The following MMP10 variants were observed in gnomAD, a reference collection of about 807,000 sequenced individuals.
The protein encoded by MMP10 is matrix metallopeptidase 10.
Under a neutral mutation model 49.1 loss-of-function variants are expected in MMP10, and 50 were observed. The ratio of observed to expected loss-of-function variants is 1.02; its 90% CI spans 0.81 to 1.29. MMP10 has a LOEUF of 1.29. Among genes scored for constraint, MMP10 ranks in the 50% most tolerant of loss-of-function variants. The probability of loss-of-function intolerance (pLI) is 0.00; values close to 1 mark genes in which losing one functional copy is unlikely to be tolerated. For missense variants in MMP10, 613 were observed against 563.8 expected (o/e 1.09, Z -0.88); for synonymous variants, 229 against 201.6 (o/e 1.14, Z -1.15).
chr11:102,779,312 T>A lies in MMP10; in HGVS notation c.397A>T (p.Ile133Phe). 3 of 1,614,154 alleles carry A rather than the reference T, an allele frequency of 1.9e-6. No individual in the cohort carries two copies. Among genetic ancestry groups the A allele is most frequent in the Non-Finnish European group, 2.5e-6 (3 of 1,180,002 alleles). ...TCCCAGACTTTCAGAGCTTTCTCAATGGCAGAATCAACAGCATCTCTTGGC... is the reference window on the plus strand; with the variant it reads ...TCCCAGACTTTCAGAGCTTTCTCAAAGGCAGAATCAACAGCATCTCTTGGC... The part of the protein sequence containing the change: ...DLPRDAVDSA[I>F]EKALKVWEEV... Residue 133 changes from isoleucine (I) to phenylalanine (F), a missense_variant, in exon 3 of 10, where the codon ATT becomes TTT. Physicochemically the swap from Ile to Phe is conservative, Grantham distance 21. Coordinates refer to ENST00000279441, the MANE Select transcript of MMP10 (RefSeq NM_002425.3).
Position 102,776,312 on chromosome 11 carries a change from A to G in MMP10, c.900T>C (p.Thr300=), listed in dbSNP as rs1857732043. ...DPALSFDAIS[T]LRGEYLFFKD... ...TAAAGAACAGATATTCTCCCCTCAG[A>G]GTGCTGATGGCATCGAAGGACAAAG... Residue 300 remains threonine, a synonymous_variant, in exon 6 of 10, where the codon ACT becomes ACC. Transcript: ENST00000279441. 6.2e-7 allele frequency: 1 copy of G among 1,613,808 alleles called. No homozygotes were observed. The highest frequency in any genetic ancestry group is 8.5e-7 in the Non-Finnish European group (1 of 1,179,826).
Position 102,779,693 on chromosome 11 carries a change from C to G in MMP10, c.158G>C (p.Arg53Thr), listed in dbSNP as rs486055. 4 of 1,613,860 alleles carry G rather than the reference C, an allele frequency of 2.5e-6. No individual in the cohort carries two copies. In the Admixed American group the frequency reaches 6.7e-5, roughly 27 times the overall value. ...NLEKDVKQFR[R>T]KDSNLIVKKI... ...TTTAACAATGAGATTACTGTCCTTTCTTCTAAACTGTTTCACATCCTTTTC... is the reference window on the plus strand; with the variant it reads ...TTTAACAATGAGATTACTGTCCTTTGTTCTAAACTGTTTCACATCCTTTTC... The change falls in exon 2 of 10, where the codon AGA (arginine) becomes ACA (threonine). Residue 53 changes from arginine (R) to threonine (T), a missense_variant. Coordinates refer to ENST00000279441, the MANE Select transcript of MMP10 (RefSeq NM_002425.3).
In MMP10 at chr11:102,779,499, A is replaced by G. The variant is rs376923297; in HGVS notation, c.347+5T>C. ...TATTATGTGAAAACTAATCTGAACC[A>G]TTACCTGTATGTAAGGTGGGTTTTC... On this transcript the variant is annotated splice_donor_5th_base_variant and intron_variant, in intron 2 of 9. Transcript: ENST00000279441. 6.2e-7 allele frequency: 1 copy of G among 1,613,900 alleles called. No individual in the cohort carries two copies. Among genetic ancestry groups the G allele is most frequent in the African/African-American group, 1.3e-5 (1 of 74,930 alleles).
At position 102,779,108 on chromosome 11, in the gene MMP10, G is replaced by C. The variant is rs1447411247; in HGVS notation, c.496+105C>G. ...TGGACTTCCCAGCCTCCAGAATTGT[G>C]AGCAATAAATTTCTGTTGTTTATAA... On this transcript the variant is annotated intron_variant, in intron 3 of 9. Transcript: ENST00000279441. 4.0e-6 allele frequency: 6 copies of C among 1,489,288 alleles called. No individual in the cohort carries two copies. The Admixed American group carries it at 8.8e-5, about 22-fold the overall frequency. 92.3% of individuals were successfully genotyped at this position (1,489,288 alleles called of 1,614,324 possible).
chr11:102,775,135 A>T, intron 7 of MMP10, 53 bp downstream of exon 7: 1 of 1,365,590 alleles, frequency 7.3e-7, no homozygotes, highest in Non-Finnish European at 9.7e-7. Flanking sequence ...TGTCAATAAA[A>T]TTTTTGCAAT....
chr11:102,770,805 C>A lies in MMP10; in HGVS notation c.1419G>T (p.Trp473Cys). The change falls in exon 10 of 10, where the codon TGG (tryptophan) becomes TGT (cysteine). Residue 473 changes from tryptophan (W) to cysteine (C), a missense_variant. Coordinates refer to ENST00000279441, the MANE Select transcript of MMP10 (RefSeq NM_002425.3). ...CCCCCTATCTCGCCTAGCAATGTAA[C>A]CAGCTGTTACTCTTTAATATGTGTG... ...MVTHILKSNS[W>C]LHC 1 of 1,605,150 alleles carries A rather than the reference C, an allele frequency of 6.2e-7. No homozygotes were observed. Among genetic ancestry groups the A allele is most frequent in the African/African-American group, 1.3e-5 (1 of 74,740 alleles).
chr11:102,770,777 C>G lies in MMP10; in HGVS notation c.*16G>C. On this transcript the variant is annotated 3_prime_UTR_variant, in exon 10 of 10. Transcript: ENST00000279441. The stretch of plus-strand genomic sequence containing the variant: ...ATTTATTAAAAACACCCATATCTGT[C>G]TTCCCCCTATCTCGCCTAGCAATGT... 6.6e-7 allele frequency: 1 copy of G among 1,521,968 alleles called. No individual in the cohort carries two copies. Among genetic ancestry groups the G allele is most frequent in the Non-Finnish European group, 9.0e-7 (1 of 1,106,652 alleles). The allele number at this position is 1,521,968 out of a possible 1,614,324, so 94.3% of individuals were successfully genotyped here. A position where few individuals can be genotyped will look rare whatever the true frequency, so the allele number is the denominator to read the frequency against.
intron 9 of MMP10, 29 bp downstream of exon 9, chr11:102,771,983 G>T: frequency 2.7e-6 from 3 of 1,103,588 alleles, no homozygotes; most frequent in Non-Finnish European, 3.8e-6. Flanking sequence ...GGAGATTCCT[G>T]CATGACAATG....
chr11:102,777,401 ACGTGCTACCATGCC>A (rs1857755640), intron 4 of MMP10, among the ~76,000 whole-genome samples: 2 of 151,672 alleles, frequency 1.3e-5, no homozygotes, highest in Admixed American at 1.3e-4. Flanking sequence ...GATTACAGGC[ACGTGCTACCATGCC>A]CGGCTAATTT....
At position 102,779,548 on chromosome 11, in the gene MMP10, G is replaced by T. The variant is rs1227144619; in HGVS notation, c.303C>A (p.Ser101=). Residue 101 remains serine (S), a synonymous_variant, in exon 2 of 10, where the codon TCC becomes TCA. Transcript: ENST00000279441. ...TCCTCCACTTCGGCATGCCAGGAAA[G>T]GAGCTGAAGTGACCAACGTCAGGAA... The part of the protein sequence containing the change: ...CGVPDVGHFS[S]FPGMPKWRKT... 1 of 1,613,970 alleles carries T rather than the reference G, an allele frequency of 6.2e-7. No homozygotes were observed. The highest frequency in any genetic ancestry group is 1.3e-5 in the African/African-American group (1 of 74,912).
rs117129110 is a variant in MMP10, at chr11:102,778,892, T to C, written c.497-143A>G. 3,446 of 1,049,214 alleles carry C rather than the reference T, an allele frequency of 3.3e-3. 15 individuals carry two copies. Among genetic ancestry groups the C allele is most frequent in the Non-Finnish European group, 4.1e-3 (2,947 of 716,840 alleles). The allele number at this position is 1,049,214 out of a possible 1,614,324, so 65.0% of individuals were successfully genotyped here. ...TTGAAACTCAATGCCCAATGAAATA[T>C]AGTATTAAGAGGTTAGGTCTTTAGG... On this transcript the variant is annotated intron_variant, in intron 3 of 9. Transcript: ENST00000279441.
Position 102,776,260 on chromosome 11 carries a change from A to G in MMP10, c.932+20T>C, listed in dbSNP as rs1451430336. ...GTACATCAAAAGAATAGATAGGAAA[A>G]TATAATTTTCTGGTCTGACCTGTCT... is the stretch of plus-strand genomic sequence containing the variant. On this transcript the variant is annotated intron_variant, in intron 6 of 9. Transcript: ENST00000279441. 2 of 1,599,116 alleles carry G rather than the reference A, an allele frequency of 1.3e-6. No individual in the cohort carries two copies. The highest frequency in any genetic ancestry group is 1.3e-5 in the African/African-American group (1 of 74,196).
In MMP10 at chr11:102,779,430, T is replaced by C. The variant is rs1857792925; in HGVS notation, c.348-69A>G. ...TATGAAAAATTGTTAAAGAAAACTT[T>C]ATGTTACTTATCCAAATATGACGAG... On this transcript the variant is annotated intron_variant, in intron 2 of 9. Transcript: ENST00000279441. 10 of 1,609,146 alleles carry C rather than the reference T, an allele frequency of 6.2e-6. No homozygotes were observed. In the South Asian group the frequency reaches 1.0e-4, roughly 16 times the overall value.
chr11:102,770,735 A>T lies in MMP10; in HGVS notation c.*58T>A. 8.7e-7 allele frequency: 1 copy of T among 1,153,914 alleles called. No homozygotes were observed. The highest frequency in any genetic ancestry group is 1.3e-6 in the Non-Finnish European group (1 of 795,736). 71.5% of individuals were successfully genotyped at this position (1,153,914 alleles called of 1,614,324 possible). A position where few individuals can be genotyped will look rare whatever the true frequency, so the allele number is the denominator to read the frequency against. The stretch of plus-strand genomic sequence containing the variant: ...TAACCATTTTGGCTCATAATACATT[A>T]GATGAATAATTATTAGATTTATTAA... On this transcript the variant is annotated 3_prime_UTR_variant, in exon 10 of 10. Coordinates refer to ENST00000279441, the MANE Select transcript of MMP10 (RefSeq NM_002425.3).
In MMP10 at chr11:102,779,297, T is replaced by G; in HGVS notation, c.412A>C (p.Lys138Gln). Reference protein sequence around the residue: ...AVDSAIEKALKVWEEVTPLTF... With the variant: ...AVDSAIEKALQVWEEVTPLTF... ...AGTGGAGTCACCTCTTCCCAGACTT[T>G]CAGAGCTTTCTCAATGGCAGAATCA... The change falls in exon 3 of 10, where the codon AAA (lysine) becomes CAA (glutamine). Residue 138 changes from lysine to glutamine, a missense_variant. Physicochemically the swap from Lys to Gln is moderately conservative, Grantham distance 53 (BLOSUM62 1). Transcript: ENST00000279441. 1 of 1,614,144 alleles carries G rather than the reference T, an allele frequency of 6.2e-7. No individual in the cohort carries two copies. Among genetic ancestry groups the G allele is most frequent in the Non-Finnish European group, 8.5e-7 (1 of 1,180,004 alleles).
At chr11:102,777,482 T>C (rs917650203) in intron 4 of MMP10, among the ~76,000 whole-genome samples, 4 of 152,128 alleles carry the variant, frequency 2.6e-5, no homozygotes, top group Admixed American at 1.3e-4. Flanking sequence ...CTCAAACTCC[T>C]GGTCTCAAGT....
chr11:102,779,489 A>C lies in MMP10; in HGVS notation c.347+15T>G, dbSNP rs373709123. Reference sequence around the variant, plus strand: ...AAGGTTTCAATATTATGTGAAAACTAATCTGAACCATTACCTGTATGTAAG... The same window carrying C: ...AAGGTTTCAATATTATGTGAAAACTCATCTGAACCATTACCTGTATGTAAG... On this transcript the variant is annotated intron_variant, in intron 2 of 9. Transcript: ENST00000279441. 9.3e-6 allele frequency: 15 copies of C among 1,613,612 alleles called. No homozygotes were observed. The Admixed American group carries it at 1.2e-4, about 13-fold the overall frequency.
chr11:102,772,162 A>T lies in MMP10; in HGVS notation c.1227-47T>A. The stretch of plus-strand genomic sequence containing the variant: ...CAGTTCAATGATGTGCAGTAGTCCC[A>T]TTACACACAATAGTATAATGTGATG... On this transcript the variant is annotated intron_variant, in intron 8 of 9. Transcript: ENST00000279441. The surrounding 1 kb of genome is among the most constrained non-coding windows in gnomAD (Gnocchi z 4.4). 8.8e-7 allele frequency: 1 copy of T among 1,132,308 alleles called. No homozygotes were observed. 70.1% of individuals were successfully genotyped at this position (1,132,308 alleles called of 1,614,324 possible). A position where few individuals can be genotyped will look rare whatever the true frequency, so the allele number is the denominator to read the frequency against.
In MMP10 at chr11:102,776,693, A is replaced by G; in HGVS notation, c.706T>C (p.Tyr236His). 6.2e-7 allele frequency: 1 copy of G among 1,614,042 alleles called. No individual in the cohort carries two copies. Among genetic ancestry groups the G allele is most frequent in the South Asian group, 1.1e-5 (1 of 91,080 alleles). Residue 236 changes from tyrosine (Y) to histidine (H), a missense_variant, in exon 5 of 10, where the codon TAC (tyrosine) becomes CAC (histidine). Coordinates refer to ENST00000279441, the MANE Select transcript of MMP10 (RefSeq NM_002425.3). ...TCTGTGAATGAGTTGTAGAGTGGGT[A>G]CATCAAAGCTTCAGTGTTGGCTGAG... ...FHSANTEALMYPLYNSFTELA... is the reference protein window; with the variant it reads ...FHSANTEALMHPLYNSFTELA...
Sources: allele counts gnomAD v4.1 joint callset (sites outside exome capture counted in the v4.1 genomes callset), GRCh38; gene constraint gnomAD v4.1.1; non-coding constraint Gnocchi (gnomAD v3.1); transcripts MANE v1.5; gene names NCBI Gene and HGNC (gene_info 2026-07-23, HGNC 2026-07-21).